Variants in TRAK2 observed in about 807,000 individuals in gnomAD.
The protein encoded by TRAK2 is trafficking kinesin protein 2, also known as trafficking kinesin-binding protein 2.
A neutral mutation model predicts 104.6 loss-of-function variants in TRAK2; 81 were observed. The ratio of observed to expected loss-of-function variants is 0.77; its 90% CI spans 0.65 to 0.93. TRAK2 has a LOEUF of 0.93. Ranked by LOEUF, TRAK2 falls within the 40% of genes least tolerant of loss-of-function variation. TRAK2 has a pLI of 0.00. For synonymous variants in TRAK2, 406 were observed against 394.4 expected (o/e 1.03, Z -0.35); for missense variants, 1,002 against 1,089.0 (o/e 0.92, Z 1.12).
At position 201,380,372 on chromosome 2, in the gene TRAK2, T is replaced by G; in HGVS notation, c.*171A>C. The G allele has an allele frequency of 1.4e-6, 1 of 692,916 alleles. No homozygotes were observed. Among genetic ancestry groups the G allele is most frequent in the Non-Finnish European group, 2.4e-6 (1 of 416,810 alleles). 42.9% of individuals were successfully genotyped at this position (692,916 alleles called of 1,614,324 possible). A position where few individuals can be genotyped will look rare whatever the true frequency, so the allele number is the denominator to read the frequency against. The stretch of plus-strand genomic sequence containing the variant: ...ATTTATACTTTCAATTTGCCCGACT[T>G]CCTCCATTAGGGCTCATCCCAATTT... On this transcript the variant is annotated 3_prime_UTR_variant, in exon 16 of 16. Transcript: ENST00000332624.
intron 4 of TRAK2, among the ~76,000 whole-genome samples, chr2:201,399,947 TAA>T (rs1343954307): frequency 6.6e-6 from 1 of 152,002 alleles, no homozygotes; most frequent in Non-Finnish European, 1.5e-5. Context: ...GGTACGTATG[TAA>T]AAAAAGAGTT....
Position 201,386,414 on chromosome 2 carries a change from T to G in TRAK2, c.1767A>C (p.Pro589=). Residue 589 remains proline, a synonymous_variant, in exon 14 of 16, where the codon CCA becomes CCC. Transcript: ENST00000332624. ...GGGTAAAGCCTTTAGTAATGACACCTGGTCGTGGATCAAGGATGGTTCCCA... is the reference window on the plus strand; with the variant it reads ...GGGTAAAGCCTTTAGTAATGACACCGGGTCGTGGATCAAGGATGGTTCCCA... ...PNLGTILDPR[P]GVITKGFTQL... is the part of the protein sequence containing the mutation. 6.2e-7 allele frequency: 1 copy of G among 1,614,200 alleles called. No homozygotes were observed. Among genetic ancestry groups the G allele is most frequent in the East Asian group, 2.2e-5 (1 of 44,890 alleles).
chr2:201,395,016 A>G, intron 8 of TRAK2, 144 bp from the exon 9 acceptor site: 1 of 732,924 alleles, frequency 1.4e-6, no homozygotes, highest in Non-Finnish European at 2.2e-6. Flanking sequence ...GCTAAATAAG[A>G]TAGGCATTCG....
At chr2:201,395,574 A>T in intron 7 of TRAK2, 130 bp from the exon 8 acceptor site, 1 of 871,214 alleles carries the variant, frequency 1.1e-6, no homozygotes, top group Non-Finnish European at 1.5e-6. Context: ...TCTTAAACAT[A>T]AAAAAAAATC....
chr2:201,439,978 A>G (rs1951907692), intron 1 of TRAK2, among the ~76,000 whole-genome samples: 1 of 148,564 alleles, frequency 6.7e-6, no homozygotes, highest in Non-Finnish European at 1.5e-5. Context: ...AGATATACCT[A>G]ATGCTAAATG....
At position 201,414,655 on chromosome 2, in the gene TRAK2, T is replaced by C. The variant is rs1301157417; in HGVS notation, c.91+5762A>G. 2.0e-5 allele frequency among the ~76,000 whole-genome samples: 3 copies of C among 152,186 alleles called. No homozygotes were observed. The East Asian group carries it at 5.8e-4, about 29-fold the overall frequency. On this transcript the variant is annotated intron_variant, in intron 2 of 15. Coordinates refer to ENST00000332624, the MANE Select transcript of TRAK2 (RefSeq NM_015049.3). ...TGGTTCTAAATAAGCTCTCAATCCT[T>C]ACAGATCTCTTAAATAGGAGACCTG...
intron 1 of TRAK2, among the ~76,000 whole-genome samples, chr2:201,449,942 C>T (rs1952009831): frequency 6.6e-6 from 1 of 152,078 alleles, no homozygotes; most frequent in African/African-American, 2.4e-5. Context: ...ATCTGTCCTC[C>T]TTGGCCTCCC....
intron 4 of TRAK2, 129 bp downstream of exon 4, chr2:201,400,889 T>C (rs987436668): frequency 3.6e-6 from 2 of 560,114 alleles, no homozygotes; most frequent in East Asian, 6.0e-5. Context: ...GTTGTTCCAG[T>C]AGCAACAACC....
At position 201,386,145 on chromosome 2, in the gene TRAK2, C is replaced by G. The variant is rs538877934; in HGVS notation, c.1963+73G>C. Reference sequence around the variant, plus strand: ...CCCTCCAGTGAGCAGAGGTAGCCAGCTGACTGTCTAGTAAGTCAGAATGCA... The same window carrying G: ...CCCTCCAGTGAGCAGAGGTAGCCAGGTGACTGTCTAGTAAGTCAGAATGCA... On this transcript the variant is annotated intron_variant, in intron 14 of 15. Coordinates refer to ENST00000332624, the MANE Select transcript of TRAK2 (RefSeq NM_015049.3). 12 of 1,546,594 alleles carry G rather than the reference C, an allele frequency of 7.8e-6. No homozygotes were observed. In the East Asian group the frequency reaches 1.4e-4, roughly 17 times the overall value.
chr2:201,383,155 T>C (rs1438384906), intron 15 of TRAK2, among the ~76,000 whole-genome samples: 1 of 152,210 alleles, frequency 6.6e-6, no homozygotes, highest in Non-Finnish European at 1.5e-5. Context: ...GGACTATATA[T>C]TAGAATATTC....
rs779412968 is a variant in TRAK2, at chr2:201,389,295, C to T, written c.1397+5G>A. On this transcript the variant is annotated splice_donor_5th_base_variant and intron_variant, in intron 12 of 15. Transcript: ENST00000332624. ...GCAGAATCACTGTTATCATCGGATT[C>T]CTACCCTGCAACCTCCTCTGAGCTG... The T allele has an allele frequency of 7.4e-6, 12 of 1,613,814 alleles. No homozygotes were observed. The highest frequency in any genetic ancestry group is 9.3e-6 in the Non-Finnish European group (11 of 1,179,740).
chr2:201,386,297 C>T lies in TRAK2; in HGVS notation c.1884G>A (p.Val628=), dbSNP rs1245150902. Residue 628 remains valine, a synonymous_variant, in exon 14 of 16, where the codon GTG becomes GTA. Coordinates refer to ENST00000332624, the MANE Select transcript of TRAK2 (RefSeq NM_015049.3). The part of the protein sequence containing the change: ...ITFQVQQPLE[V]EEKLSTSKPV... Reference sequence around the variant, plus strand: ...GCTTGGATGTTGAAAGTTTCTCTTCCACTTCAAGAGGTTGCTGAACCTGAA... The same window carrying T: ...GCTTGGATGTTGAAAGTTTCTCTTCTACTTCAAGAGGTTGCTGAACCTGAA... 1 of 1,614,118 alleles carries T rather than the reference C, an allele frequency of 6.2e-7. No homozygotes were observed. Among genetic ancestry groups the T allele is most frequent in the South Asian group, 1.1e-5 (1 of 91,090 alleles).
chr2:201,427,928 C>CACATG (rs1192368397), intron 1 of TRAK2, among the ~76,000 whole-genome samples: 1 of 152,176 alleles, frequency 6.6e-6, no homozygotes, highest in Non-Finnish European at 1.5e-5. Flanking sequence ...TGATGATGAA[C>CACATG]ATTTTTTCAT....
Position 201,421,786 on chromosome 2 carries a change from C to T in TRAK2, c.-199-1080G>A, listed in dbSNP as rs547379255. ...AATTGGGGCTGGGCATGGTGACTCA[C>T]GCCTGTAATCTCAGCACCTTGGGAG... On this transcript the variant is annotated intron_variant, in intron 1 of 15. Transcript: ENST00000332624. Among the ~76,000 whole-genome samples, 159 of 152,182 alleles carry T rather than the reference C, an allele frequency of 1.0e-3. 2 individuals are homozygous for T. The highest frequency in any genetic ancestry group is 3.6e-3 in the African/African-American group (148 of 41,534).
At chr2:201,397,832 C>A in intron 6 of TRAK2, 1 of 552,648 alleles carries the variant, frequency 1.8e-6, no homozygotes, top group Non-Finnish European at 3.2e-6. Flanking sequence ...TAGTTCTTAT[C>A]ACAGTTGTAA....
At chr2:201,407,105 A>G (rs1195032402) in intron 3 of TRAK2, among the ~76,000 whole-genome samples, 2 of 152,232 alleles carry the variant, frequency 1.3e-5, no homozygotes, top group Admixed American at 6.5e-5. Context: ...AGGAATATTA[A>G]AATTTTAAAT....
At chr2:201,384,323 G>T in intron 14 of TRAK2, 107 bp from the exon 15 acceptor site, 3 of 842,914 alleles carry the variant, frequency 3.6e-6, no homozygotes, top group Admixed American at 2.8e-5. Flanking sequence ...AGTACCTTTT[G>T]TATTAAAAAT....
chr2:201,437,627 C>T (rs534808949), intron 1 of TRAK2, among the ~76,000 whole-genome samples: 37 of 152,258 alleles, frequency 2.4e-4, no homozygotes, highest in African/African-American at 8.2e-4. Flanking sequence ...TTCCTAAATA[C>T]CTGCTTTCTA....
chr2:201,441,685 T>TC (rs1951924796), intron 1 of TRAK2, among the ~76,000 whole-genome samples: 1 of 151,068 alleles, frequency 6.6e-6, no homozygotes, highest in South Asian at 2.1e-4. Context: ...GCTCTTTCTT[T>TC]TTTTTTTTTT....
Sources: allele counts gnomAD v4.1 joint callset (sites outside exome capture counted in the v4.1 genomes callset), GRCh38; gene constraint gnomAD v4.1.1; transcripts MANE v1.5; gene names NCBI Gene and HGNC (gene_info 2026-07-23, HGNC 2026-07-21).